Variants in MGAT4C observed in about 807,000 individuals in gnomAD.
The protein encoded by MGAT4C is MGAT4 family member C.
In MGAT4C, 19 loss-of-function variants were observed where a neutral mutation model predicts 40.1. The observed-to-expected ratio is 0.47, with a 90% CI of 0.33 to 0.70. MGAT4C has a LOEUF of 0.70. MGAT4C is among the 30% of genes least tolerant of loss of function. MGAT4C has a pLI of 0.02. For missense variants in MGAT4C, 491 were observed against 563.2 expected, an observed-to-expected ratio of 0.87 and a Z score of 1.30; for synonymous variants, 181 against 187.1, an observed-to-expected ratio of 0.97 and a Z score of 0.27.
chr12:86,534,804 C>G, intron 2 of MGAT4C, among the ~76,000 whole-genome samples: 1 of 152,072 alleles, frequency 6.6e-6, no homozygotes, highest in East Asian at 1.9e-4. Context: ...TCTGTTTATT[C>G]TGCCCCTGTT....
chr12:86,282,151 A>G (rs1953234436), intron 4 of MGAT4C, among the ~76,000 whole-genome samples: 1 of 152,162 alleles, frequency 6.6e-6, no homozygotes, highest in Non-Finnish European at 1.5e-5. Flanking sequence ...ATGTTTTGCC[A>G]TGAAGTAATC....
intron 4 of MGAT4C, among the ~76,000 whole-genome samples, chr12:86,308,649 A>C (rs1413956068): frequency 6.6e-6 from 1 of 150,710 alleles, no homozygotes; most frequent in African/African-American, 2.5e-5. Context: ...ATGGCAAAAT[A>C]CACAAAAACT....
intron 2 of MGAT4C, among the ~76,000 whole-genome samples, chr12:86,486,382 A>G (rs1166198719): frequency 4.4e-5 from 2 of 45,660 alleles, no homozygotes; most frequent in Non-Finnish European, 1.1e-4. Flanking sequence ...TCATGCACAC[A>G]CACACACACA....
At chr12:86,086,665 T>C (rs894883926) in intron 1 of MGAT4C, among the ~76,000 whole-genome samples, 2 of 152,122 alleles carry the variant, frequency 1.3e-5, no homozygotes, top group Admixed American at 6.6e-5. Context: ...TTATCATTTC[T>C]TTGTGTTAGG....
chr12:86,674,981 A>G (rs1333960943), intron 2 of MGAT4C, among the ~76,000 whole-genome samples: 1 of 152,114 alleles, frequency 6.6e-6, no homozygotes, highest in African/African-American at 2.4e-5. Context: ...CCCCAAACAC[A>G]ATTAACCTCA....
chr12:86,667,300 A>T (rs1237154567), intron 2 of MGAT4C, among the ~76,000 whole-genome samples: 1 of 152,190 alleles, frequency 6.6e-6, no homozygotes, highest in East Asian at 1.9e-4. Context: ...CACCTAGCAG[A>T]CACATGCTAG....
At chr12:86,235,039 A>AT (rs1354394312) in intron 1 of MGAT4C, among the ~76,000 whole-genome samples, 3 of 151,654 alleles carry the variant, frequency 2.0e-5, no homozygotes, top group South Asian at 2.1e-4. Context: ...TTAGCCTTTT[A>AT]TTTTTTTCTT....
At chr12:86,113,596 C>A (rs1298511599) in intron 1 of MGAT4C, among the ~76,000 whole-genome samples, 1 of 151,716 alleles carries the variant, frequency 6.6e-6, no homozygotes, top group Admixed American at 6.6e-5. Flanking sequence ...GTAGTTTTTA[C>A]TAAAATTTGG....
At chr12:86,417,718 C>T (rs1481442220) in intron 3 of MGAT4C, among the ~76,000 whole-genome samples, 3 of 151,860 alleles carry the variant, frequency 2.0e-5, no homozygotes, top group Non-Finnish European at 2.9e-5. Flanking sequence ...ATTTTATTTC[C>T]ACCATGCATT....
At chr12:86,126,901 T>C (rs1038441467) in intron 1 of MGAT4C, among the ~76,000 whole-genome samples, 1 of 152,078 alleles carries the variant, frequency 6.6e-6, no homozygotes, top group Admixed American at 6.5e-5. Flanking sequence ...TGGTGCAGTA[T>C]AAAGCGGGGA....
intron 2 of MGAT4C, among the ~76,000 whole-genome samples, chr12:86,639,620 G>A (rs1963320606): frequency 1.3e-5 from 2 of 151,644 alleles, no homozygotes; most frequent in South Asian, 4.1e-4. Flanking sequence ...AATAGTTTAT[G>A]CCTATATTAG....
chr12:86,046,022 G>A (rs915526240), intron 2 of MGAT4C, among the ~76,000 whole-genome samples: 4 of 151,794 alleles, frequency 2.6e-5, no homozygotes, highest in African/African-American at 9.7e-5. Context: ...ATGAATTTTA[G>A]GTGACAGCAG....
At chr12:86,314,241 T>C (rs1409616750) in intron 4 of MGAT4C, among the ~76,000 whole-genome samples, 1 of 152,018 alleles carries the variant, frequency 6.6e-6, no homozygotes, top group East Asian at 1.9e-4. Context: ...TTGATAAAAA[T>C]AGAGAGATGG....
intron 4 of MGAT4C, among the ~76,000 whole-genome samples, chr12:86,288,851 T>C (rs1953426572): frequency 6.6e-6 from 1 of 152,148 alleles, no homozygotes; most frequent in Admixed American, 6.5e-5. Context: ...TTTTCTCCCA[T>C]TCTGTAGGTT....
At position 86,559,135 on chromosome 12, in the gene MGAT4C, T is replaced by A. The variant is rs1354598475; in HGVS notation, c.-228-123870A>T. ...AATAATAATGGAATCAATTCAGGAA[T>A]AGAATATAATACTGGAGCACCCAGA... On this transcript the variant is annotated intron_variant, in intron 2 of 7. Coordinates refer to the MGAT4C transcript ENST00000548651. Among the ~76,000 whole-genome samples, 3 of 151,848 alleles carry A rather than the reference T, an allele frequency of 2.0e-5. 1 individual carries two copies. The highest frequency in any genetic ancestry group is 4.4e-5 in the Non-Finnish European group (3 of 67,838).
At chr12:86,322,956 A>G (rs1954432379) in intron 4 of MGAT4C, among the ~76,000 whole-genome samples, 1 of 152,010 alleles carries the variant, frequency 6.6e-6, no homozygotes. Flanking sequence ...TCATTATTCA[A>G]ATAATTATTA....
intron 2 of MGAT4C, among the ~76,000 whole-genome samples, chr12:86,563,613 T>C (rs758418321): frequency 6.6e-6 from 1 of 152,178 alleles, no homozygotes; most frequent in Non-Finnish European, 1.5e-5. Flanking sequence ...AGTTATTCTG[T>C]TAATCTTTCT....
At chr12:86,776,874 A>G (rs1309753992) in intron 1 of MGAT4C, among the ~76,000 whole-genome samples, 1 of 152,130 alleles carries the variant, frequency 6.6e-6, no homozygotes, top group East Asian at 1.9e-4. Context: ...TGCACCTACA[A>G]ACATAAATTA....
At chr12:86,756,695 G>C (rs774354780) in intron 1 of MGAT4C, among the ~76,000 whole-genome samples, 1 of 152,046 alleles carries the variant, frequency 6.6e-6, no homozygotes, top group Admixed American at 6.6e-5. Context: ...CTAAGTTGTT[G>C]CACTATTCTT....
Sources: gnomAD v4.1 joint callset for allele counts (sites outside exome capture counted in the v4.1 genomes callset) on GRCh38, gnomAD v4.1.1 for gene constraint, MANE v1.5 for transcripts, NCBI Gene and HGNC (gene_info 2026-07-23, HGNC 2026-07-21) for gene names.